Variants in HOMER2 observed in about 807,000 individuals in gnomAD.
HOMER2 encodes the protein homer scaffold protein 2.
HOMER2 carries 27 observed loss-of-function variants against 47.0 expected under a neutral mutation model. The observed-to-expected ratio is 0.57, with a 90% confidence interval of 0.42 to 0.79. HOMER2 has a LOEUF of 0.79. Ranked by LOEUF, HOMER2 falls within the 30% of genes least tolerant of loss-of-function variation. HOMER2 has a pLI of 0.00. For missense variants in HOMER2, 443 were observed against 435.0 expected (o/e 1.02, Z -0.16); for synonymous variants, 161 against 163.8 (o/e 0.98, Z 0.13).
intron 1 of HOMER2, among the ~76,000 whole-genome samples, chr15:82,971,072 G>C (rs2029969943): frequency 6.6e-6 from 1 of 152,200 alleles, no homozygotes; most frequent in Admixed American, 6.5e-5. Flanking sequence ...TCCATTCAAA[G>C]GGAAGATGTA....
chr15:82,904,732 C>A (rs1316349803), intron 1 of HOMER2, among the ~76,000 whole-genome samples: 3 of 152,124 alleles, frequency 2.0e-5, no homozygotes. Context: ...TCCAGGTGCA[C>A]AAACTCACCT....
At chr15:82,901,473 C>CT (rs981747841) in intron 1 of HOMER2, among the ~76,000 whole-genome samples, 3 of 152,208 alleles carry the variant, frequency 2.0e-5, no homozygotes, top group Admixed American at 6.5e-5. Context: ...CCCTGAACCC[C>CT]TGCACAGAAA....
intron 3 of HOMER2, among the ~76,000 whole-genome samples, chr15:82,872,953 T>A (rs1163211121): frequency 2.6e-5 from 4 of 152,328 alleles, no homozygotes; most frequent in Non-Finnish European, 5.9e-5. Context: ...TGCATGCTCT[T>A]CAGAGGCCTT....
intron 1 of HOMER2, among the ~76,000 whole-genome samples, chr15:82,972,176 T>A (rs1203584217): frequency 6.6e-6 from 1 of 152,148 alleles, no homozygotes; most frequent in Non-Finnish European, 1.5e-5. Context: ...AAAAGATCCT[T>A]AATGCTCATT....
chr15:82,900,476 T>C (rs544859566), intron 1 of HOMER2, among the ~76,000 whole-genome samples: 2 of 139,584 alleles, frequency 1.4e-5, no homozygotes, highest in African/African-American at 5.1e-5. Flanking sequence ...ACAGGGTTAT[T>C]CACTGGAAAA....
rs2051320828 is a variant in HOMER2, at chr15:82,849,623, C to T, written c.*92G>A. ...ACACGACAAACTGCGCCTGCATTTA[C>T]AGAAGCAATGCACACAGAAGAACGT... On this transcript the variant is annotated 3_prime_UTR_variant, in exon 9 of 9. Transcript: ENST00000450735. The T allele has an allele frequency of 3.6e-6, 4 of 1,115,362 alleles. No homozygotes were observed. The highest frequency in any genetic ancestry group is 5.0e-6 in the Non-Finnish European group (4 of 794,488). 69.1% of individuals were successfully genotyped at this position (1,115,362 alleles called of 1,614,324 possible). A position where few individuals can be genotyped will look rare whatever the true frequency, so the allele number is the denominator to read the frequency against.
chr15:82,919,526 C>T (rs1313737130), intron 1 of HOMER2, among the ~76,000 whole-genome samples: 1 of 152,220 alleles, frequency 6.6e-6, no homozygotes, highest in African/African-American at 2.4e-5. Flanking sequence ...TTATCCAACT[C>T]TCCCAACAAA....
intron 1 of HOMER2, among the ~76,000 whole-genome samples, chr15:82,933,339 G>A (rs1363909089): frequency 1.3e-5 from 2 of 152,022 alleles, no homozygotes; most frequent in Non-Finnish European, 2.9e-5. Context: ...GAATTCTGCT[G>A]TCTCAGCCTC....
At chr15:82,920,517 C>T (rs531459952) in intron 1 of HOMER2, among the ~76,000 whole-genome samples, 9 of 152,302 alleles carry the variant, frequency 5.9e-5, no homozygotes, top group African/African-American at 1.4e-4. Context: ...CCCCACCTTT[C>T]CCAGCTTCTA....
At chr15:82,965,520 C>T (rs748963248) in intron 1 of HOMER2, among the ~76,000 whole-genome samples, 9 of 152,216 alleles carry the variant, frequency 5.9e-5, no homozygotes, top group Admixed American at 2.6e-4. Context: ...ATAAAAATCA[C>T]TTATTGGGGT....
chr15:82,944,957 A>G (rs888767132), intron 1 of HOMER2, among the ~76,000 whole-genome samples: 3 of 152,144 alleles, frequency 2.0e-5, no homozygotes, highest in Admixed American at 6.5e-5. Context: ...CCAAGTCTTA[A>G]AGCAGAATTA....
chr15:82,835,503 C>G (rs7166145), downstream of HOMER2: 4,766 of 152,514 alleles, frequency 0.031, 247 homozygotes, highest in African/African-American at 0.11. Flanking sequence ...GAGTCCCTTT[C>G]AGCAGCTGCA....
downstream of HOMER2, chr15:82,845,218 T>TCTCA (rs1555416802): frequency 1.4e-5 from 2 of 146,032 alleles, no homozygotes; most frequent in South Asian, 4.6e-4. Context: ...TGCTGTTTCT[T>TCTCA]CACACACACA....
chr15:82,903,531 C>A lies in HOMER2; in HGVS notation c.6-10690G>T, dbSNP rs141059070. 6.8e-3 allele frequency among the ~76,000 whole-genome samples: 1,032 copies of A among 152,112 alleles called. 7 individuals carry two copies. Among genetic ancestry groups the A allele is most frequent in the African/African-American group, 0.023 (974 of 41,492 alleles). On this transcript the variant is annotated intron_variant, in intron 1 of 8. Coordinates refer to ENST00000450735, the MANE Select transcript of HOMER2 (RefSeq NM_004839.4). Reference sequence around the variant, plus strand: ...ACTCGGGAGGCTGAGGCAGGAGAATCGCTTGAACTCGGGAGACAGAGAGGT... The same window carrying A: ...ACTCGGGAGGCTGAGGCAGGAGAATAGCTTGAACTCGGGAGACAGAGAGGT...
chr15:82,952,485 C>A, intron 1 of HOMER2, 46 bp downstream of exon 1: 1 of 1,166,138 alleles, frequency 8.6e-7, no homozygotes, highest in East Asian at 3.6e-5. Context: ...GCCCCGCAGT[C>A]CCTCCGGAGG....
intron 1 of HOMER2, among the ~76,000 whole-genome samples, chr15:82,939,714 T>G (rs1435386009): frequency 6.6e-6 from 1 of 152,092 alleles, no homozygotes. Context: ...TCAGATATGC[T>G]CAAGCTTGGT....
intron 1 of HOMER2, among the ~76,000 whole-genome samples, chr15:82,945,737 A>G (rs879670275): frequency 1.6e-4 from 25 of 152,148 alleles, no homozygotes; most frequent in African/African-American, 3.6e-4. Context: ...TTGGGAGGCC[A>G]AGGCGGGCAA....
intron 1 of HOMER2, among the ~76,000 whole-genome samples, chr15:82,904,027 C>G (rs149158356): frequency 0.023 from 3,463 of 152,246 alleles, 138 homozygotes; most frequent in African/African-American, 0.08. Flanking sequence ...ATCTCAGCTA[C>G]TCGAGAGGCT....
At chr15:82,942,410 T>C (rs538428540) in intron 1 of HOMER2, among the ~76,000 whole-genome samples, 4 of 152,292 alleles carry the variant, frequency 2.6e-5, no homozygotes, top group African/African-American at 9.6e-5. Context: ...TCCAGAGACA[T>C]ACAGGGACCC....
Sources: gnomAD v4.1 joint callset for allele counts (sites outside exome capture counted in the v4.1 genomes callset) on GRCh38, gnomAD v4.1.1 for gene constraint, MANE v1.5 for transcripts, NCBI Gene and HGNC (gene_info 2026-07-23, HGNC 2026-07-21) for gene names.